Variants in KMT2A observed in about 807,000 individuals in gnomAD.
The protein encoded by KMT2A is histone-lysine N-methyltransferase 2A.
Under a neutral mutation model 345.3 loss-of-function variants are expected in KMT2A, and 16 were observed. The ratio of observed to expected loss-of-function variants is 0.05; its 90% CI spans 0.03 to 0.07. KMT2A has a LOEUF of 0.07. KMT2A is among the 10% of genes least tolerant of loss of function. The pLI, the probability that KMT2A is intolerant of heterozygous loss-of-function variation, is 1.00. For synonymous variants in KMT2A, 1,599 were observed against 1,778.6 expected (o/e 0.90, Z 2.54); for missense variants, 3,272 against 4,841.6 (o/e 0.68, Z 9.62).
At chr11:118,452,811 T>C (rs782614384) in intron 1 of KMT2A, among the ~76,000 whole-genome samples, 13 of 152,070 alleles carry the variant, frequency 8.5e-5, no homozygotes, top group Non-Finnish European at 1.6e-4. Context: ...TTTTTGTATT[T>C]TTAGTAGAGA....
intron 31 of KMT2A, among the ~76,000 whole-genome samples, chr11:118,517,190 T>G (rs1950833874): frequency 6.6e-6 from 1 of 151,538 alleles, no homozygotes; most frequent in African/African-American, 2.4e-5. Context: ...GGTCAGGAGA[T>G]CGACACCATC....
Position 118,476,653 on chromosome 11 carries a change from T to G in KMT2A, c.3157-152T>G. On this transcript the variant is annotated intron_variant, in intron 3 of 35. Transcript: ENST00000534358. The surrounding 1 kb of genome is among the most constrained non-coding windows in gnomAD (Gnocchi z 4.1). ...AATTAGGATACAGTAATAGTTGATT[T>G]CTGTTTTGATATGATTTATCAGCTG... 2 of 665,182 alleles carry G rather than the reference T, an allele frequency of 3.0e-6. No individual in the cohort carries two copies. Among genetic ancestry groups the G allele is most frequent in the Middle Eastern group, 3.9e-4 (1 of 2,546 alleles). 41.2% of individuals were successfully genotyped at this position (665,182 alleles called of 1,614,324 possible).
intron 31 of KMT2A, among the ~76,000 whole-genome samples, chr11:118,517,877 T>TTTTG (rs372947697): frequency 1.4e-4 from 22 of 152,176 alleles, no homozygotes; most frequent in East Asian, 3.9e-4. Context: ...ACAACATTCT[T>TTTTG]TTTGTTTGTT....
At chr11:118,492,939 G>A in intron 15 of KMT2A, 118 bp from the exon 16 acceptor site, 1 of 767,644 alleles carries the variant, frequency 1.3e-6, no homozygotes. Flanking sequence ...TTATTTTCAT[G>A]TTCCTTGGGT....
intron 1 of KMT2A, chr11:118,458,311 A>C: frequency 5.5e-6 from 1 of 183,038 alleles, no homozygotes; most frequent in South Asian, 8.0e-5. Context: ...CTGGTCTACA[A>C]CTCCTGGGCT....
chr11:118,509,228 C>T, intron 29 of KMT2A, 28 bp downstream of exon 29: 2 of 1,538,642 alleles, frequency 1.3e-6, no homozygotes, highest in Non-Finnish European at 1.8e-6. Context: ...AGGTTAGAAT[C>T]AGAGAATATC....
rs781819293 is a variant in KMT2A at position 118,503,345 on chromosome 11, G to C, written c.7453G>C (p.Val2485Leu). The C allele has an allele frequency of 2.2e-5, 36 of 1,614,014 alleles. No individual in the cohort carries two copies. The highest frequency in any genetic ancestry group is 2.8e-5 in the Non-Finnish European group (33 of 1,180,022). Residue 2485 changes from valine (V) to leucine (L), a missense_variant, in exon 27 of 36, where the codon GTT becomes CTT. This residue lies in a region of KMT2A where 445 missense variants were observed against 500.9 expected (regional missense o/e 0.89). Coordinates refer to ENST00000534358, the MANE Select transcript of KMT2A (RefSeq NM_001197104.2). This position sits in a 1 kb window ranked among gnomAD's most constrained non-coding sequence, Gnocchi z 5.3. ...TATGGGCCAACGACCATGTAACAAT[G>C]TTTCTTCTGATAAGATTGGTGATAA... is the stretch of plus-strand genomic sequence containing the variant. ...EYMGQRPCNN[V>L]SSDKIGDKGL... is the part of the protein sequence containing the mutation.
intron 24 of KMT2A, 42 bp from the exon 25 acceptor site, chr11:118,500,945 A>G (rs199853158): frequency 2.3e-5 from 36 of 1,545,670 alleles, no homozygotes; most frequent in Middle Eastern, 3.4e-4. Context: ...TTCTGCTTCT[A>G]TCCTCTCCCT....
chr11:118,486,051 C>T (rs1950223639), intron 10 of KMT2A, among the ~76,000 whole-genome samples: 1 of 152,176 alleles, frequency 6.6e-6, no homozygotes, highest in African/African-American at 2.4e-5. Context: ...CCACTGCACT[C>T]CCGCCTGGGC....
At position 118,521,110 on chromosome 11, in the gene KMT2A, A is replaced by G. The variant is rs1555053411; in HGVS notation, c.11514-178A>G. 1.0e-5 allele frequency: 7 copies of G among 702,030 alleles called. 1 individual carries two copies. The highest frequency in any genetic ancestry group is 9.4e-5 in the South Asian group (5 of 53,244). 43.5% of individuals were successfully genotyped at this position (702,030 alleles called of 1,614,324 possible). On this transcript the variant is annotated intron_variant, in intron 34 of 35. Transcript: ENST00000534358. This position sits in a 1 kb window ranked among gnomAD's most constrained non-coding sequence, Gnocchi z 5.3. Reference sequence around the variant, plus strand: ...GCTTCCAGCGGGTCACAGAATGGAAATAACTTTCATCTTTGGCCATGTGTT... The same window carrying G: ...GCTTCCAGCGGGTCACAGAATGGAAGTAACTTTCATCTTTGGCCATGTGTT...
rs1950404469 is a variant in KMT2A, at chr11:118,496,069, GATATAA to G, written c.5557+180_5558-183del. Among the ~76,000 whole-genome samples, 1 of 152,216 alleles carries G rather than the reference GATATAA, an allele frequency of 6.6e-6. No homozygotes were observed. Among genetic ancestry groups the G allele is most frequent in the Admixed American group, 6.5e-5 (1 of 15,276 alleles). On this transcript the variant is annotated intron_variant, in intron 19 of 35. Transcript: ENST00000534358. The surrounding 1 kb of genome is among the most constrained non-coding windows in gnomAD (Gnocchi z 4.7). ...TCACTTGAGGTGTTAATGAGGACTTGATATAAATACTCTGGAGTATTGTAACATAGA... is the reference window on the plus strand; with the variant it reads ...TCACTTGAGGTGTTAATGAGGACTTGATACTCTGGAGTATTGTAACATAGA...
chr11:118,444,242 C>A lies in KMT2A; in HGVS notation c.432+7298C>A, dbSNP rs1949371646. On this transcript the variant is annotated intron_variant, in intron 1 of 35. Transcript: ENST00000534358. ...AATATTTACACATGCCCATATTCAA[C>A]TTCTGTCCATCCATGAGGATTGACC... Among the ~76,000 whole-genome samples, 3 of 152,206 alleles carry A rather than the reference C, an allele frequency of 2.0e-5. No individual in the cohort carries two copies. In the South Asian group the frequency reaches 6.2e-4, roughly 31 times the overall value.
intron 1 of KMT2A, among the ~76,000 whole-genome samples, chr11:118,455,231 T>C (rs1199555346): frequency 6.6e-6 from 1 of 152,116 alleles, no homozygotes; most frequent in African/African-American, 2.4e-5. Flanking sequence ...TTATTTTCTG[T>C]CTCTCCATTA....
rs1950137985 is a variant in KMT2A at position 118,481,817 on chromosome 11, C to T, written c.3737C>T (p.Pro1246Leu). Residue 1246 changes from proline to leucine, a missense_variant, in exon 7 of 36, where the codon CCA (proline) becomes CTA (leucine). Physicochemically the swap from Pro to Leu is moderately conservative, Grantham distance 98. This residue lies in a region of KMT2A where 168 missense variants were observed against 216.0 expected (regional missense o/e 0.78). Coordinates refer to ENST00000534358, the MANE Select transcript of KMT2A (RefSeq NM_001197104.2). ...NVVDSSQKPT[P>L]SAREDPAPKK... is the part of the protein sequence containing the mutation. ...GTGGACTCTAGTCAGAAACCTACCC[C>T]ATCAGCAAGAGAGGATCCTGCCCCA... 6.2e-7 allele frequency: 1 copy of T among 1,614,194 alleles called. No individual in the cohort carries two copies. The highest frequency in any genetic ancestry group is 8.5e-7 in the Non-Finnish European group (1 of 1,180,036).
Position 118,436,856 on chromosome 11 carries a change from C to A in KMT2A, c.344C>A (p.Ala115Glu). Reference sequence around the variant, plus strand: ...CGGGTGGGCCCGGGCTTCGACGCGGCGCTGCAGGTCTCGGCCGCCATCGGC... The same window carrying A: ...CGGGTGGGCCCGGGCTTCGACGCGGAGCTGCAGGTCTCGGCCGCCATCGGC... ...LLRVGPGFDA[A>E]LQVSAAIGTN... Residue 115 changes from alanine to glutamate, a missense_variant, in exon 1 of 36, where the codon GCG becomes GAG. Transcript: ENST00000534358. The surrounding 1 kb of genome is among the most constrained non-coding windows in gnomAD (Gnocchi z 6.9). 1 of 1,599,844 alleles carries A rather than the reference C, an allele frequency of 6.3e-7. No individual in the cohort carries two copies. The highest frequency in any genetic ancestry group is 8.5e-7 in the Non-Finnish European group (1 of 1,173,934).
rs1949406186 is a variant in KMT2A at position 118,445,793 on chromosome 11, A to G, written c.432+8849A>G. 2.0e-5 allele frequency among the ~76,000 whole-genome samples: 3 copies of G among 152,240 alleles called. No individual in the cohort carries two copies. The South Asian group carries it at 6.2e-4, about 31-fold the overall frequency. ...CAAGGCGGGAAGATTGCCTGAGGTCAGGAGTTCGAGACCAGCCTGGCTAAC... is the reference window on the plus strand; with the variant it reads ...CAAGGCGGGAAGATTGCCTGAGGTCGGGAGTTCGAGACCAGCCTGGCTAAC... On this transcript the variant is annotated intron_variant, in intron 1 of 35. Transcript: ENST00000534358.
intron 1 of KMT2A, among the ~76,000 whole-genome samples, chr11:118,443,243 A>G (rs868992803): frequency 1.3e-5 from 2 of 152,208 alleles, no homozygotes; most frequent in African/African-American, 4.8e-5. Context: ...TTGCCCCTCA[A>G]TAAAGTCTCT....
At chr11:118,446,697 G>A (rs537890035) in intron 1 of KMT2A, among the ~76,000 whole-genome samples, 1 of 152,204 alleles carries the variant, frequency 6.6e-6, no homozygotes, top group East Asian at 1.9e-4. Flanking sequence ...ATAGTTTATT[G>A]TGGTAATCTT....
In KMT2A at chr11:118,520,461, A is replaced by C; in HGVS notation, c.11430-341A>C. 1 of 337,232 alleles carries C rather than the reference A, an allele frequency of 3.0e-6. No individual in the cohort carries two copies. The highest frequency in any genetic ancestry group is 4.2e-5 in the South Asian group (1 of 23,616). 20.9% of individuals were successfully genotyped at this position (337,232 alleles called of 1,614,324 possible). ...AGGTCAGGAGTTCGAGACCAGCCTG[A>C]CCAACATAGTGAAACCCTATCTCTA... is the stretch of plus-strand genomic sequence containing the variant. On this transcript the variant is annotated intron_variant, in intron 33 of 35. Coordinates refer to ENST00000534358, the MANE Select transcript of KMT2A (RefSeq NM_001197104.2). This position sits in a 1 kb window ranked among gnomAD's most constrained non-coding sequence, Gnocchi z 4.3.
Sources: gnomAD v4.1 joint callset for allele counts (sites outside exome capture counted in the v4.1 genomes callset) on GRCh38, gnomAD v4.1.1 for gene constraint, gnomAD v4.1.1 regional missense constraint, Gnocchi (gnomAD v3.1) non-coding constraint, MANE v1.5 for transcripts, NCBI Gene and HGNC (gene_info 2026-07-23, HGNC 2026-07-21) for gene names.